Variants in BLTP3A observed in about 807,000 individuals in gnomAD.
BLTP3A encodes the protein ICBP90 binding protein 1.
At chr6:34,846,078 C>CCCTCT in the BLTP3A span, among the ~76,000 whole-genome samples, 1 of 43,024 alleles carries the variant, frequency 2.3e-5, no homozygotes, top group African/African-American at 1.7e-4. Context: ...CATTTCTTTT[C>CCCTCT]CCTCCCCTCC....
chr6:34,832,108 C>T, the BLTP3A span, among the ~76,000 whole-genome samples: 6 of 148,088 alleles, frequency 4.1e-5, no homozygotes, highest in African/African-American at 1.5e-4. Flanking sequence ...CCACTGCACC[C>T]GGCCTTTTTT....
chr6:34,843,522 AT>A, the BLTP3A span, among the ~76,000 whole-genome samples: 1 of 152,178 alleles, frequency 6.6e-6, no homozygotes, highest in Non-Finnish European at 1.5e-5. Context: ...TCATGCAGGC[AT>A]ACGATACATA....
At chr6:34,806,661 C>G in the BLTP3A span, among the ~76,000 whole-genome samples, 1 of 152,126 alleles carries the variant, frequency 6.6e-6, no homozygotes, top group Non-Finnish European at 1.5e-5. Context: ...CATGGATAAC[C>G]TATTCTCCCC....
the BLTP3A span, among the ~76,000 whole-genome samples, chr6:34,801,025 C>T: frequency 3.9e-5 from 6 of 152,102 alleles, no homozygotes; most frequent in African/African-American, 9.7e-5. Flanking sequence ...TTACAGCCAC[C>T]GCATCTGGCT....
the BLTP3A span, chr6:34,864,124 A>G: frequency 6.2e-7 from 1 of 1,614,108 alleles, no homozygotes; most frequent in Non-Finnish European, 8.5e-7. Context: ...GTCTCATTGG[A>G]TAGCAGTGGC....
chr6:34,811,348 T>C, the BLTP3A span, among the ~76,000 whole-genome samples: 1 of 152,274 alleles, frequency 6.6e-6, no homozygotes, highest in South Asian at 2.1e-4. Flanking sequence ...ACACAAAGGA[T>C]TTTTTAATGC....
the BLTP3A span, among the ~76,000 whole-genome samples, chr6:34,870,504 A>G: frequency 6.6e-6 from 1 of 152,172 alleles, no homozygotes; most frequent in South Asian, 2.1e-4. Context: ...GAGACATTCA[A>G]ATTTAGTAGA....
chr6:34,833,756 G>C, the BLTP3A span, among the ~76,000 whole-genome samples: 12 of 151,556 alleles, frequency 7.9e-5, no homozygotes, highest in Non-Finnish European at 1.8e-4. Flanking sequence ...GGGAAACCCC[G>C]TCTCTACTAA....
chr6:34,854,562 T>C, the BLTP3A span, among the ~76,000 whole-genome samples: 2 of 152,208 alleles, frequency 1.3e-5, no homozygotes, highest in Admixed American at 6.5e-5. Context: ...AACATATATA[T>C]TTGTGGTATT....
At chr6:34,848,605 CA>C in the BLTP3A span, among the ~76,000 whole-genome samples, 988 of 125,258 alleles carry the variant, frequency 7.9e-3, 2 homozygotes, top group African/African-American at 0.013. Flanking sequence ...GACTTGGTCT[CA>C]AAAAAAAAAA....
At chr6:34,852,368 C>G in the BLTP3A span, among the ~76,000 whole-genome samples, 1 of 152,160 alleles carries the variant, frequency 6.6e-6, no homozygotes. Flanking sequence ...CTGGGTCCTT[C>G]CCTTCAAGGC....
chr6:34,824,558 C>G, the BLTP3A span, among the ~76,000 whole-genome samples: 1 of 107,178 alleles, frequency 9.3e-6, no homozygotes, highest in East Asian at 3.1e-4. Flanking sequence ...AACTCCATCT[C>G]AAAAAAAAAA....
the BLTP3A span, among the ~76,000 whole-genome samples, chr6:34,843,737 T>A: frequency 6.6e-6 from 1 of 152,220 alleles, no homozygotes; most frequent in Non-Finnish European, 1.5e-5. Context: ...CATACTGATT[T>A]CATTTCCTTT....
the BLTP3A span, among the ~76,000 whole-genome samples, chr6:34,803,345 C>T: frequency 6.6e-6 from 1 of 151,246 alleles, no homozygotes; most frequent in East Asian, 1.9e-4. Context: ...CTTGTACACT[C>T]TTTTTCCCTA....
the BLTP3A span, chr6:34,874,158 C>A: frequency 6.6e-6 from 1 of 152,138 alleles, no homozygotes. Flanking sequence ...TTATAAATGA[C>A]CTGAAAGTAG....
At chr6:34,840,214 A>G in the BLTP3A span, among the ~76,000 whole-genome samples, 10,274 of 152,168 alleles carry the variant, frequency 0.068, 555 homozygotes, top group East Asian at 0.33. Context: ...AATTATTTTC[A>G]TGTTGATTCC....
At chr6:34,859,054 A>G in the BLTP3A span, 1 of 1,614,196 alleles carries the variant, frequency 6.2e-7, no homozygotes, top group Non-Finnish European at 8.5e-7. Flanking sequence ...AGGCTCAGAT[A>G]GCACTAGCCT....
At chr6:34,867,636 CACGACA>C in the BLTP3A span, 1 of 1,606,182 alleles carries the variant, frequency 6.2e-7, no homozygotes, top group Non-Finnish European at 8.5e-7. Context: ...GTAGTCATTC[CACGACA>C]GATCATGGGA....
chr6:34,848,605 C>CAA, the BLTP3A span, among the ~76,000 whole-genome samples: 165 of 125,482 alleles, frequency 1.3e-3, no homozygotes, highest in Non-Finnish European at 1.4e-3. Context: ...GACTTGGTCT[C>CAA]AAAAAAAAAA....
Sources: allele counts gnomAD v4.1 joint callset (sites outside exome capture counted in the v4.1 genomes callset), GRCh38; gene constraint gnomAD v4.1.1; transcripts MANE v1.5; gene names NCBI Gene and HGNC (gene_info 2026-07-23, HGNC 2026-07-21).